The following SERINC1 variants were observed in gnomAD, a reference collection of about 807,000 sequenced individuals.
SERINC1 encodes the protein tumor differentially expressed protein 2.
Under a neutral mutation model 52.9 loss-of-function variants are expected in SERINC1, and 38 were observed. The ratio of observed to expected loss-of-function variants is 0.72; its 90% CI spans 0.55 to 0.94. The LOEUF (loss-of-function observed/expected upper bound fraction) is 0.94, where lower values mean the gene tolerates loss of function less well. SERINC1 is among the 40% of genes least tolerant of loss of function. The pLI is 0.00. For synonymous variants in SERINC1, 198 were observed against 183.1 expected, an observed-to-expected ratio of 1.08 and a Z score of -0.66; for missense variants, 471 against 533.9, an observed-to-expected ratio of 0.88 and a Z score of 1.16.
chr6:122,443,824 C>T lies in SERINC1; in HGVS notation c.*1220G>A, dbSNP rs1440034208. 1 of 152,092 alleles carries T rather than the reference C, an allele frequency of 6.6e-6. No homozygotes were observed. Among genetic ancestry groups the T allele is most frequent in the Non-Finnish European group, 1.5e-5 (1 of 68,004 alleles). 9.4% of individuals were successfully genotyped at this position (152,092 alleles called of 1,614,324 possible). Reference sequence around the variant, plus strand: ...TTATTTTTAAATGTCAGAGAGAATGCTATTATTGGCCAACTTGAAATTTCC... The same window carrying T: ...TTATTTTTAAATGTCAGAGAGAATGTTATTATTGGCCAACTTGAAATTTCC... On this transcript the variant is annotated 3_prime_UTR_variant, in exon 10 of 10. Coordinates refer to ENST00000339697, the MANE Select transcript of SERINC1 (RefSeq NM_020755.4).
intron 2 of SERINC1, among the ~76,000 whole-genome samples, chr6:122,457,613 G>A (rs1044486199): frequency 1.3e-5 from 2 of 152,084 alleles, no homozygotes; most frequent in African/African-American, 4.8e-5. Context: ...ACAGAAGAGA[G>A]CTGCTGCTTT....
chr6:122,449,077 TTG>T (rs535518891), intron 7 of SERINC1, among the ~76,000 whole-genome samples: 53 of 152,262 alleles, frequency 3.5e-4, no homozygotes, highest in South Asian at 3.1e-3. Context: ...TCGACAAACA[TTG>T]TGTGTGTTCT....
At chr6:122,471,117 AAC>A (rs1427714720) in intron 1 of SERINC1, among the ~76,000 whole-genome samples, 2 of 151,638 alleles carry the variant, frequency 1.3e-5, no homozygotes, top group African/African-American at 4.8e-5. Flanking sequence ...TGACACTTCA[AAC>A]AGTTACGGCA....
rs1218884099 is a variant in SERINC1, at chr6:122,443,574, A to C, written c.*1470T>G. ...CATACTGCTTGATTTTCAGGTTGAA[A>C]GGTTACAATAATCTATATATTTCAA... is the stretch of plus-strand genomic sequence containing the variant. On this transcript the variant is annotated 3_prime_UTR_variant, in exon 10 of 10. Coordinates refer to ENST00000339697, the MANE Select transcript of SERINC1 (RefSeq NM_020755.4). The C allele has an allele frequency of 1.3e-5, 2 of 152,236 alleles. No homozygotes were observed. Among genetic ancestry groups the C allele is most frequent in the Non-Finnish European group, 2.9e-5 (2 of 68,032 alleles). 9.4% of individuals were successfully genotyped at this position (152,236 alleles called of 1,614,324 possible).
chr6:122,471,488 C>T (rs1486651997), intron 1 of SERINC1, among the ~76,000 whole-genome samples: 1 of 152,202 alleles, frequency 6.6e-6, no homozygotes, highest in Non-Finnish European at 1.5e-5. Flanking sequence ...CGCCACTAAA[C>T]CTTACGGCCA....
chr6:122,446,747 T>C (rs111360577), intron 9 of SERINC1, 27 bp downstream of exon 9: 49 of 1,454,176 alleles, frequency 3.4e-5, no homozygotes, highest in Non-Finnish European at 4.2e-5. Context: ...AATTCACACA[T>C]CCAGAGTTTT....
intron 7 of SERINC1, among the ~76,000 whole-genome samples, chr6:122,449,375 C>T (rs900228875): frequency 1.3e-5 from 2 of 152,166 alleles, no homozygotes; most frequent in African/African-American, 4.8e-5. Context: ...TTAAAAGTGC[C>T]ACTCCAGTGA....
chr6:122,468,828 T>C (rs952460000), intron 1 of SERINC1, among the ~76,000 whole-genome samples: 1 of 152,182 alleles, frequency 6.6e-6, no homozygotes, highest in Non-Finnish European at 1.5e-5. Flanking sequence ...CACTCAGTAA[T>C]CACTAGTTCT....
At chr6:122,454,252 T>C in intron 3 of SERINC1, 22 bp from the exon 4 acceptor site, 4 of 1,285,040 alleles carry the variant, frequency 3.1e-6, no homozygotes, top group Admixed American at 4.1e-5. Context: ...AGAAATATAA[T>C]TTTTTATTAA....
chr6:122,452,271 G>A (rs1219583884), intron 5 of SERINC1, among the ~76,000 whole-genome samples: 1 of 152,084 alleles, frequency 6.6e-6, no homozygotes, highest in Non-Finnish European at 1.5e-5. Flanking sequence ...TAGCTATTAT[G>A]TATTTGCAAG....
Position 122,468,537 on chromosome 6 carries a change from C to CT in SERINC1, c.39+3161dup, listed in dbSNP as rs996487077. On this transcript the variant is annotated intron_variant, in intron 1 of 9. Coordinates refer to ENST00000339697, the MANE Select transcript of SERINC1 (RefSeq NM_020755.4). ...GACAAATGTTAACATTTAAGAATTA[C>CT]TTTTTTTTTTGTTAAATTCAAGAAA... is the stretch of plus-strand genomic sequence containing the variant. Among the ~76,000 whole-genome samples the CT allele has an allele frequency of 5.7e-3, 846 of 149,494 alleles. 3 individuals are homozygous for CT. Among genetic ancestry groups the CT allele is most frequent in the African/African-American group, 0.016 (647 of 40,816 alleles).
intron 1 of SERINC1, among the ~76,000 whole-genome samples, chr6:122,467,534 A>C (rs180879455): frequency 6.6e-6 from 1 of 152,276 alleles, no homozygotes. Flanking sequence ...TGAACCCGGA[A>C]GGTTCAAAGT....
chr6:122,462,741 G>A (rs1266374558), intron 1 of SERINC1, among the ~76,000 whole-genome samples: 1 of 152,082 alleles, frequency 6.6e-6, no homozygotes, highest in East Asian at 1.9e-4. Context: ...AGTAATAACT[G>A]AAAACAAAAA....
chr6:122,453,702 T>C (rs1366690070), intron 5 of SERINC1, 68 bp downstream of exon 5: 1 of 1,292,230 alleles, frequency 7.7e-7, no homozygotes, highest in South Asian at 2.0e-5. Context: ...GTGATTTACC[T>C]AGTCTACATA....
intron 1 of SERINC1, among the ~76,000 whole-genome samples, chr6:122,465,996 G>A (rs1775183378): frequency 1.3e-5 from 2 of 152,104 alleles, no homozygotes; most frequent in Admixed American, 6.5e-5. Context: ...AGCACTTTGG[G>A]AGGCTGAGGC....
Position 122,451,776 on chromosome 6 carries a change from A to AAAAAAAAATATATAT in SERINC1, c.760-23_760-22insATATATATTTTTTTT. The AAAAAAAAATATATAT allele has an allele frequency of 1.0e-3, 117 of 112,982 alleles. 1 individual carries two copies. Among genetic ancestry groups the AAAAAAAAATATATAT allele is most frequent in the East Asian group, 7.8e-3 (23 of 2,948 alleles). 7.0% of individuals were successfully genotyped at this position (112,982 alleles called of 1,614,324 possible). A position where few individuals can be genotyped will look rare whatever the true frequency, so the allele number is the denominator to read the frequency against. The stretch of plus-strand genomic sequence containing the variant: ...ATTCCTACAAAAAAAAAAAAAAAAA[A>AAAAAAAAATATATAT]ATATATATATATATATATAGCAACA... On this transcript the variant is annotated intron_variant, in intron 6 of 9. Transcript: ENST00000339697.
Position 122,471,518 on chromosome 6 carries a change from A to G in SERINC1, c.39+181T>C, listed in dbSNP as rs553022006. Among the ~76,000 whole-genome samples the G allele has an allele frequency of 4.1e-4, 62 of 152,268 alleles. 1 individual carries two copies. Among genetic ancestry groups the G allele is most frequent in the African/African-American group, 1.3e-3 (54 of 41,568 alleles). On this transcript the variant is annotated intron_variant, in intron 1 of 9. Transcript: ENST00000339697. ...CGGCCAGTGATCAGTTCTTCGCAAG[A>G]CCCAAAGCTCTGAAGCTGAGTCTGA...
chr6:122,470,438 C>T (rs1775264530), intron 1 of SERINC1, among the ~76,000 whole-genome samples: 1 of 152,114 alleles, frequency 6.6e-6, no homozygotes, highest in Admixed American at 6.5e-5. Context: ...AATTGAATTG[C>T]ATAACATCTT....
intron 7 of SERINC1, 54 bp from the exon 8 acceptor site, chr6:122,447,319 A>T: frequency 6.3e-6 from 9 of 1,436,360 alleles, no homozygotes; most frequent in Non-Finnish European, 8.7e-6. Context: ...GATGTTTTTC[A>T]GAGCAAACAA....
Sources: gnomAD v4.1 joint callset for allele counts (sites outside exome capture counted in the v4.1 genomes callset) on GRCh38, gnomAD v4.1.1 for gene constraint, MANE v1.5 for transcripts, NCBI Gene and HGNC (gene_info 2026-07-23, HGNC 2026-07-21) for gene names.